DERA: variants seen among roughly 807,000 people sequenced by gnomAD.
The protein encoded by DERA is deoxyribose-phosphate aldolase.
In DERA, 15 loss-of-function variants were observed where a neutral mutation model predicts 41.1. The ratio of observed to expected loss-of-function variants is 0.37; its 90% CI spans 0.24 to 0.56. DERA has a LOEUF of 0.56. Ranked by LOEUF, DERA falls within the 20% of genes least tolerant of loss-of-function variation. DERA has a pLI of 0.81. For missense variants in DERA, 396 were observed against 403.4 expected (o/e 0.98, Z 0.16); for synonymous variants, 139 against 137.4 (o/e 1.01, Z -0.08).
In DERA at chr12:15,996,385, C is replaced by T. The variant is rs1184602390; in HGVS notation, c.637+13949C>T. ...CAGTCAGGGTGTCAGCAGGCTTATG[C>T]TCCCTCTGAAACCTGTAGGCAAGCC... On this transcript the variant is annotated intron_variant, in intron 6 of 8. Coordinates refer to ENST00000428559, the MANE Select transcript of DERA (RefSeq NM_015954.4). The surrounding 1 kb of genome is among the most constrained non-coding windows in gnomAD (Gnocchi z 4.7). 6.6e-6 allele frequency among the ~76,000 whole-genome samples: 1 copy of T among 152,098 alleles called. No homozygotes were observed. Among genetic ancestry groups the T allele is most frequent in the African/African-American group, 2.4e-5 (1 of 41,406 alleles).
In DERA at chr12:15,943,650, A is replaced by G. The variant is rs928097820; in HGVS notation, c.32-13286A>G. ...CCACGAATGATCCTACCTGTATAACATGTGCTGTATCTTGACATTTTCTAT... is the reference window on the plus strand; with the variant it reads ...CCACGAATGATCCTACCTGTATAACGTGTGCTGTATCTTGACATTTTCTAT... On this transcript the variant is annotated intron_variant, in intron 1 of 8. Transcript: ENST00000428559. The surrounding 1 kb of genome is among the most constrained non-coding windows in gnomAD (Gnocchi z 4.5). Among the ~76,000 whole-genome samples, 1 of 151,816 alleles carries G rather than the reference A, an allele frequency of 6.6e-6. No homozygotes were observed. Among genetic ancestry groups the G allele is most frequent in the Non-Finnish European group, 1.5e-5 (1 of 67,916 alleles).
intron 6 of DERA, among the ~76,000 whole-genome samples, chr12:16,028,907 A>C (rs1949071465): frequency 6.6e-6 from 1 of 152,312 alleles, no homozygotes; most frequent in Non-Finnish European, 1.5e-5. Context: ...AGGCCTGACA[A>C]ATGTAGTATG....
intron 6 of DERA, among the ~76,000 whole-genome samples, chr12:15,986,078 A>C (rs981164058): frequency 1.3e-5 from 2 of 152,116 alleles, no homozygotes. Context: ...TTGAAGTAGC[A>C]CATTTGTCAT....
At chr12:16,032,446 C>CCCAAAAATAACATT in intron 6 of DERA, 96 bp from the exon 7 acceptor site, 3 of 699,738 alleles carry the variant, frequency 4.3e-6, no homozygotes, top group Non-Finnish European at 6.9e-6. Context: ...TGGGTTTCTT[C>CCCAAAAATAACATT]GGGAAAAAAT....
intron 6 of DERA, among the ~76,000 whole-genome samples, chr12:15,986,840 T>C (rs74065530): frequency 0.064 from 9,788 of 152,206 alleles, 1,012 homozygotes; most frequent in African/African-American, 0.22. Flanking sequence ...GAAACTTCCC[T>C]GGGTATTTTT....
At chr12:15,956,271 AAG>A (rs748961873) in intron 1 of DERA, among the ~76,000 whole-genome samples, 2 of 152,254 alleles carry the variant, frequency 1.3e-5, no homozygotes, top group Non-Finnish European at 2.9e-5. Context: ...ACTGGAAGAG[AAG>A]AGAGAGTAGA....
chr12:15,978,467 T>C (rs902825361), intron 5 of DERA, among the ~76,000 whole-genome samples: 10 of 152,352 alleles, frequency 6.6e-5, no homozygotes, highest in African/African-American at 2.2e-4. Context: ...GGTTCTATTC[T>C]AGCAACATAT....
At chr12:16,007,237 G>A (rs908377254) in intron 6 of DERA, among the ~76,000 whole-genome samples, 13 of 148,408 alleles carry the variant, frequency 8.8e-5, no homozygotes, top group African/African-American at 2.0e-4. Context: ...AGGCTGAAGC[G>A]CAGTGGCGCG....
At chr12:15,961,157 T>C (rs911269771) in intron 4 of DERA, among the ~76,000 whole-genome samples, 23 of 152,200 alleles carry the variant, frequency 1.5e-4, no homozygotes, top group African/African-American at 4.3e-4. Flanking sequence ...TCACAGTACA[T>C]GCAGGACCTG....
At chr12:16,032,341 A>G (rs1949098164) in intron 6 of DERA, among the ~76,000 whole-genome samples, 1 of 152,202 alleles carries the variant, frequency 6.6e-6, no homozygotes, top group African/African-American at 2.4e-5. Context: ...TTTGGTGCCT[A>G]ATACAGTGAT....
chr12:15,975,401 G>T (rs1592029338), intron 5 of DERA, among the ~76,000 whole-genome samples: 2 of 152,158 alleles, frequency 1.3e-5, no homozygotes, highest in Non-Finnish European at 2.9e-5. Context: ...CAAGTGCAGG[G>T]TCTGCAAATT....
Position 15,993,211 on chromosome 12 carries a change from G to A in DERA, c.637+10775G>A, listed in dbSNP as rs564473309. 6.6e-5 allele frequency among the ~76,000 whole-genome samples: 10 copies of A among 151,984 alleles called. No homozygotes were observed. Among genetic ancestry groups the A allele is most frequent in the Admixed American group, 4.6e-4 (7 of 15,252 alleles). On this transcript the variant is annotated intron_variant, in intron 6 of 8. Transcript: ENST00000428559. This position sits in a 1 kb window ranked among gnomAD's most constrained non-coding sequence, Gnocchi z 4.4. ...GAAGCCATCAAAAAATAAAATAAAG[G>A]GGAAAAGTAGTGGGAAACGCTATGA...
chr12:15,926,080 C>T (rs976236424), intron 1 of DERA, among the ~76,000 whole-genome samples: 1 of 151,828 alleles, frequency 6.6e-6, no homozygotes, highest in African/African-American at 2.4e-5. Flanking sequence ...GCCTCAGCCT[C>T]CCAAAGTGCT....
chr12:15,960,307 C>A (rs542570080), intron 4 of DERA, among the ~76,000 whole-genome samples: 23 of 149,926 alleles, frequency 1.5e-4, no homozygotes, highest in Non-Finnish European at 3.0e-4. Flanking sequence ...CACATGTATG[C>A]ATGTTCTGTT....
intron 1 of DERA, among the ~76,000 whole-genome samples, chr12:15,926,424 G>C (rs541846350): frequency 7.2e-5 from 11 of 152,140 alleles, no homozygotes; most frequent in African/African-American, 2.6e-4. Context: ...ATGGTATTTC[G>C]AATATGCAGT....
At chr12:15,944,994 C>T (rs1031540844) in intron 1 of DERA, among the ~76,000 whole-genome samples, 7 of 152,148 alleles carry the variant, frequency 4.6e-5, no homozygotes, top group African/African-American at 1.4e-4. Context: ...GGAATCCTTT[C>T]CCCGTTTCTT....
intron 5 of DERA, among the ~76,000 whole-genome samples, chr12:15,978,313 T>G (rs922511558): frequency 6.6e-6 from 1 of 152,228 alleles, no homozygotes; most frequent in African/African-American, 2.4e-5. Flanking sequence ...TATGTAAGAC[T>G]GGCAAATTCT....
intron 1 of DERA, among the ~76,000 whole-genome samples, chr12:15,948,976 T>A (rs576135362): frequency 1.3e-5 from 2 of 152,324 alleles, no homozygotes; most frequent in African/African-American, 4.8e-5. Flanking sequence ...CCAGACCCTG[T>A]TTGCCTTGGT....
At position 15,936,029 on chromosome 12, in the gene DERA, T is replaced by C. The variant is rs920394733; in HGVS notation, c.32-20907T>C. On this transcript the variant is annotated intron_variant, in intron 1 of 8. Transcript: ENST00000428559. This position sits in a 1 kb window ranked among gnomAD's most constrained non-coding sequence, Gnocchi z 4.6. Reference sequence around the variant, plus strand: ...CATGTGAACACCCTCTTAGGGTTGCTTGAGTATCCTTATGACATGGCAGCT... The same window carrying C: ...CATGTGAACACCCTCTTAGGGTTGCCTGAGTATCCTTATGACATGGCAGCT... 3.9e-5 allele frequency among the ~76,000 whole-genome samples: 6 copies of C among 152,228 alleles called. No individual in the cohort carries two copies. Among genetic ancestry groups the C allele is most frequent in the African/African-American group, 1.4e-4 (6 of 41,464 alleles).
Sources: allele counts gnomAD v4.1 joint callset (sites outside exome capture counted in the v4.1 genomes callset), GRCh38; gene constraint gnomAD v4.1.1; non-coding constraint Gnocchi (gnomAD v3.1); transcripts MANE v1.5; gene names NCBI Gene and HGNC (gene_info 2026-07-23, HGNC 2026-07-21).